The following BTN2A1 variants were observed in gnomAD, a reference collection of about 807,000 sequenced individuals.
BTN2A1 encodes butyrophilin subfamily 2 member A1, also known as butyrophilin, subfamily 2, member A1.
A neutral mutation model predicts 34.5 loss-of-function variants in BTN2A1; 41 were observed. That is an observed-to-expected ratio of 1.19 (90% CI 0.93 to 1.54). The LOEUF (loss-of-function observed/expected upper bound fraction) is 1.54, where lower values mean the gene tolerates loss of function less well. Ranked by LOEUF, BTN2A1 falls within the 40% of genes most tolerant of loss-of-function variation. The pLI is 0.00. For synonymous variants in BTN2A1, 267 were observed against 258.6 expected, an observed-to-expected ratio of 1.03 and a Z score of -0.31; for missense variants, 642 against 662.0, an observed-to-expected ratio of 0.97 and a Z score of 0.33.
chr6:26,460,197 C>T (rs1487681816), intron 3 of BTN2A1, among the ~76,000 whole-genome samples: 2 of 151,994 alleles, frequency 1.3e-5, no homozygotes, highest in Non-Finnish European at 2.9e-5. Flanking sequence ...TGTACCCTCG[C>T]TGGCACGATC....
chr6:26,458,821 C>G (rs893303879), intron 2 of BTN2A1, 103 bp downstream of exon 2: 3 of 1,413,558 alleles, frequency 2.1e-6, no homozygotes, highest in Non-Finnish European at 3.0e-6. Context: ...GTTGACTTAC[C>G]CTTTCATTCT....
At chr6:26,473,212 T>C (rs559324225), downstream of BTN2A1, among the ~76,000 whole-genome samples, 1 of 152,268 alleles carries the variant, frequency 6.6e-6, no homozygotes, top group South Asian at 2.1e-4. Context: ...GCCTCCTGTC[T>C]GCTATCACTA....
Position 26,466,095 on chromosome 6 carries a change from G to A in BTN2A1, c.982+7G>A. 1 of 1,613,486 alleles carries A rather than the reference G, an allele frequency of 6.2e-7. No individual in the cohort carries two copies. Among genetic ancestry groups the A allele is most frequent in the Non-Finnish European group, 8.5e-7 (1 of 1,180,024 alleles). On this transcript the variant is annotated splice_region_variant and intron_variant, in intron 7 of 7. Coordinates refer to ENST00000312541, the MANE Select transcript of BTN2A1 (RefSeq NM_007049.5). ...AGAACATTCTTACATGCTGGTGAGT[G>A]CCTCTGATGTTCCCTCAGATCTCAG...
chr6:26,471,665 A>G (rs113714828), downstream of BTN2A1, among the ~76,000 whole-genome samples: 13 of 121,708 alleles, frequency 1.1e-4, no homozygotes, highest in African/African-American at 6.1e-5. Context: ...AAGGAAGGAA[A>G]GGAAGGAAGG....
Position 26,468,269 on chromosome 6 carries a change from C to T in BTN2A1, c.1304C>T (p.Ser435Phe), listed in dbSNP as rs1763376008. The T allele has an allele frequency of 1.2e-6, 2 of 1,614,078 alleles. No individual in the cohort carries two copies. The highest frequency in any genetic ancestry group is 2.2e-5 in the South Asian group (2 of 91,084). Residue 435 changes from serine (S) to phenylalanine (F), a missense_variant, in exon 8 of 8, where the codon TCC becomes TTC. Ser to Phe is a radical substitution (Grantham distance 155). Transcript: ENST00000312541. ...EMHKGQYRAV[S>F]SPDRILPLKE... ...CATAAAGGGCAATACCGGGCCGTGT[C>T]CTCCCCTGATAGGATTCTCCCTTTG...
intron 5 of BTN2A1, 66 bp downstream of exon 5, chr6:26,465,472 A>G: frequency 6.8e-7 from 1 of 1,471,110 alleles, no homozygotes; most frequent in Non-Finnish European, 9.4e-7. Flanking sequence ...TGAGGCAGGC[A>G]GATCACTTGA....
intron 1 of BTN2A1, among the ~76,000 whole-genome samples, chr6:26,458,347 G>A (rs1375957296): frequency 6.6e-6 from 1 of 152,186 alleles, no homozygotes; most frequent in African/African-American, 2.4e-5. Context: ...GTAGAATCCA[G>A]CGACAACTGA....
At chr6:26,476,175 G>A (rs1290500277) in exon 8 of BTN2A1, 2 of 1,536,358 alleles carry the variant, frequency 1.3e-6, no homozygotes, top group South Asian at 1.2e-5. Flanking sequence ...GTGAGTGGGT[G>A]CTGATGGCAG....
chr6:26,462,480 A>T (rs1763191340), intron 3 of BTN2A1, among the ~76,000 whole-genome samples: 1 of 152,336 alleles, frequency 6.6e-6, no homozygotes, highest in Non-Finnish European at 1.5e-5. Context: ...CCAGGAGTAC[A>T]AGGCACAGTG....
chr6:26,464,835 T>C (rs1561871530), intron 4 of BTN2A1, among the ~76,000 whole-genome samples: 2 of 152,056 alleles, frequency 1.3e-5, no homozygotes, highest in African/African-American at 2.4e-5. Flanking sequence ...CTGTTGAAAA[T>C]AGACTACAGA....
intron 7 of BTN2A1, 35 bp downstream of exon 7, chr6:26,466,123 T>G (rs1209914183): frequency 1.2e-6 from 2 of 1,612,878 alleles, no homozygotes; most frequent in South Asian, 2.2e-5. Flanking sequence ...GATCTCAGCT[T>G]TCTCCACACT....
rs1581676729 is a variant in BTN2A1 at position 26,468,290 on chromosome 6, C to T, written c.1325C>T (p.Pro442Leu). ...RAVSSPDRIL[P>L]LKESLCRVGV... Reference sequence around the variant, plus strand: ...GTGTCCTCCCCTGATAGGATTCTCCCTTTGAAGGAGTCCCTTTGCCGGGTG... The same window carrying T: ...GTGTCCTCCCCTGATAGGATTCTCCTTTTGAAGGAGTCCCTTTGCCGGGTG... Residue 442 changes from proline to leucine, a missense_variant, in exon 8 of 8, where the codon CCT becomes CTT. Physicochemically the swap from Pro to Leu is moderately conservative, Grantham distance 98 (BLOSUM62 -3). Transcript: ENST00000312541. 6.2e-7 allele frequency: 1 copy of T among 1,614,206 alleles called. No individual in the cohort carries two copies. The highest frequency in any genetic ancestry group is 1.7e-5 in the Admixed American group (1 of 60,034).
intron 3 of BTN2A1, 99 bp downstream of exon 3, chr6:26,459,927 T>A: frequency 5.0e-6 from 2 of 398,358 alleles, no homozygotes; most frequent in Non-Finnish European, 8.0e-6. Context: ...CAAATTTTTG[T>A]CTGGACTCCC....
rs962866966 is a variant in BTN2A1 at position 26,468,007 on chromosome 6, A to G, written c.1042A>G (p.Arg348Gly). 3.7e-6 allele frequency: 6 copies of G among 1,614,032 alleles called. No homozygotes were observed. In the African/African-American group the frequency reaches 8.0e-5, roughly 22 times the overall value. ...CGATCTCTTCCTGTCAGAGGACCGG[A>G]GAAGTGTGAGAAGGTGCCCCTTCAG... ...HPDLFLSEDR[R>G]SVRRCPFRHL... The change falls in exon 8 of 8, where the codon AGA becomes GGA. Residue 348 changes from arginine to glycine, a missense_variant. By Grantham distance (125) the Arg-to-Gly change is moderately radical (BLOSUM62 -2). Coordinates refer to ENST00000312541, the MANE Select transcript of BTN2A1 (RefSeq NM_007049.5).
At position 26,468,245 on chromosome 6, in the gene BTN2A1, A is replaced by G; in HGVS notation, c.1280A>G (p.His427Arg). Residue 427 changes from histidine (H) to arginine (R), a missense_variant, in exon 8 of 8, where the codon CAT (histidine) becomes CGT (arginine). By Grantham distance (29) the His-to-Arg change is conservative. Coordinates refer to ENST00000312541, the MANE Select transcript of BTN2A1 (RefSeq NM_007049.5). The part of the protein sequence containing the change: ...PQNGFWTLEM[H>R]KGQYRAVSSP... Reference sequence around the variant, plus strand: ...AATGGCTTCTGGACCTTGGAGATGCATAAAGGGCAATACCGGGCCGTGTCC... The same window carrying G: ...AATGGCTTCTGGACCTTGGAGATGCGTAAAGGGCAATACCGGGCCGTGTCC... 2 of 1,614,202 alleles carry G rather than the reference A, an allele frequency of 1.2e-6. No homozygotes were observed. The highest frequency in any genetic ancestry group is 1.7e-6 in the Non-Finnish European group (2 of 1,180,032).
chr6:26,472,461 A>G (rs1418092367), downstream of BTN2A1, among the ~76,000 whole-genome samples: 3 of 152,192 alleles, frequency 2.0e-5, no homozygotes, highest in Non-Finnish European at 4.4e-5. Context: ...ATCATTTTCT[A>G]CCAGCCAAGG....
intron 3 of BTN2A1, among the ~76,000 whole-genome samples, chr6:26,461,898 G>A (rs559488043): frequency 6.6e-6 from 1 of 152,256 alleles, no homozygotes; most frequent in African/African-American, 2.4e-5. Context: ...GCACATGCCT[G>A]TAGTCTCAGC....
chr6:26,470,461 G>A (rs1763430061), downstream of BTN2A1, among the ~76,000 whole-genome samples: 1 of 147,804 alleles, frequency 6.8e-6, no homozygotes, highest in Non-Finnish European at 1.5e-5. Context: ...TCAATGTGAT[G>A]GTTAATTTTA....
intron 7 of BTN2A1, 39 bp from the exon 8 acceptor site, chr6:26,467,909 C>T (rs953713512): frequency 6.9e-6 from 11 of 1,592,030 alleles, no homozygotes; most frequent in Non-Finnish European, 9.4e-6. Flanking sequence ...CCCCAGGGTT[C>T]CTGAGACCCC....
Sources: gnomAD v4.1 joint callset for allele counts (sites outside exome capture counted in the v4.1 genomes callset) on GRCh38, gnomAD v4.1.1 for gene constraint, MANE v1.5 for transcripts, NCBI Gene and HGNC (gene_info 2026-07-23, HGNC 2026-07-21) for gene names.